The following DNAH6 variants were observed in gnomAD, a reference collection of about 807,000 sequenced individuals.
The protein encoded by DNAH6 is dynein axonemal heavy chain 6.
In DNAH6, 340 loss-of-function variants were observed where a neutral mutation model predicts 491.4. That is an observed-to-expected ratio of 0.69 (90% CI 0.63 to 0.76). The LOEUF is 0.76. Among genes scored for constraint, DNAH6 ranks in the 30% least tolerant of loss-of-function variants. The probability of loss-of-function intolerance (pLI) is 0.00; values close to 1 mark genes in which losing one functional copy is unlikely to be tolerated. For missense variants in DNAH6, 4,443 were observed against 4,972.2 expected (o/e 0.89, Z 3.20); for synonymous variants, 1,603 against 1,686.1 (o/e 0.95, Z 1.21).
In DNAH6 at chr2:84,819,299, A is replaced by C; in HGVS notation, c.12374-6A>C. 4 of 1,538,182 alleles carry C rather than the reference A, an allele frequency of 2.6e-6. No homozygotes were observed. Among genetic ancestry groups the C allele is most frequent in the Non-Finnish European group, 3.5e-6 (4 of 1,136,690 alleles). On this transcript the variant is annotated splice_polypyrimidine_tract_variant and splice_region_variant and intron_variant, in intron 76 of 76. Transcript: ENST00000389394. ...AACAACCTTTTTTTCCTATATCCTT[A>C]ATTAGGACATTCAACCAATTTTGTG...
chr2:84,708,594 A>AGAAG (rs1311429503), intron 54 of DNAH6, among the ~76,000 whole-genome samples: 43 of 150,358 alleles, frequency 2.9e-4, no homozygotes, highest in Non-Finnish European at 5.2e-4. Flanking sequence ...AAGGAAGGAA[A>AGAAG]GAAGGAAGGA....
rs1677020189 is a variant in DNAH6 at position 84,784,785 on chromosome 2, T to G, written c.10928T>G (p.Val3643Gly). Reference sequence around the variant, plus strand: ...TCCATGCCTAGTAATACATTTCCTGTTACAGTTCTTCAAAATTCTGTCAAG... The same window carrying G: ...TCCATGCCTAGTAATACATTTCCTGGTACAGTTCTTCAAAATTCTGTCAAG... The part of the protein sequence containing the change: ...LSSMPSNTFP[V>G]TVLQNSVKVT... Residue 3643 changes from valine (V) to glycine (G), a missense_variant, in exon 66 of 77, where the codon GTT (valine) becomes GGT (glycine). By Grantham distance (109) the Val-to-Gly change is moderately radical. This residue lies in a region of DNAH6 where 1,463 missense variants were observed against 1,656.6 expected (regional missense o/e 0.88). Coordinates refer to ENST00000389394, the MANE Select transcript of DNAH6 (RefSeq NM_001370.2). 3 of 1,549,878 alleles carry G rather than the reference T, an allele frequency of 1.9e-6. No individual in the cohort carries two copies. The highest frequency in any genetic ancestry group is 1.4e-5 in the African/African-American group (1 of 72,962).
chr2:84,611,606 T>C, intron 21 of DNAH6, 68 bp from the exon 22 acceptor site: 1 of 1,349,222 alleles, frequency 7.4e-7, no homozygotes, highest in Non-Finnish European at 1.0e-6. Context: ...TGTGTCATGA[T>C]TTTTACTGTA....
chr2:84,813,108 C>G lies in DNAH6; in HGVS notation c.11976C>G (p.Phe3992Leu), dbSNP rs1486214391. The G allele has an allele frequency of 1.9e-6, 3 of 1,551,858 alleles. No individual in the cohort carries two copies. Among genetic ancestry groups the G allele is most frequent in the African/African-American group, 1.4e-5 (1 of 73,172 alleles). The change falls in exon 74 of 77, where the codon TTC becomes TTG. Residue 3992 changes from phenylalanine (F) to leucine (L), a missense_variant. Coordinates refer to ENST00000389394, the MANE Select transcript of DNAH6 (RefSeq NM_001370.2). Reference sequence around the variant, plus strand: ...AGTCCTACTGGATCTCTGGTTTCTTCTTTCCTCAAGGATTTCTAACAGGTA... The same window carrying G: ...AGTCCTACTGGATCTCTGGTTTCTTGTTTCCTCAAGGATTTCTAACAGGTA... ...QPKSYWISGF[F>L]FPQGFLTGTL...
At chr2:84,499,159 C>T in the DNAH6 span, among the ~76,000 whole-genome samples, 2 of 152,050 alleles carry the variant, frequency 1.3e-5, no homozygotes, top group South Asian at 2.1e-4. Flanking sequence ...TTTTTTGGTA[C>T]CCATTAACCA....
intron 26 of DNAH6, among the ~76,000 whole-genome samples, chr2:84,623,174 A>T (rs10190434): frequency 0.96 from 145,604 of 152,278 alleles, 69,661 homozygotes; most frequent in East Asian, 1. Context: ...AGCTTTGACA[A>T]TGGCGTTGGC....
At chr2:84,741,027 C>T (rs1264701313) in intron 62 of DNAH6, among the ~76,000 whole-genome samples, 1 of 152,222 alleles carries the variant, frequency 6.6e-6, no homozygotes, top group Admixed American at 6.5e-5. Context: ...CAGCCATGGG[C>T]TTGCACCTAG....
At chr2:84,542,397 A>ATTCC (rs1364162546) in intron 4 of DNAH6, among the ~76,000 whole-genome samples, 3 of 152,192 alleles carry the variant, frequency 2.0e-5, no homozygotes, top group Non-Finnish European at 2.9e-5. Context: ...TGTATTCCAT[A>ATTCC]TTCCTCACCA....
intron 68 of DNAH6, among the ~76,000 whole-genome samples, chr2:84,794,820 A>G (rs1678163512): frequency 7.0e-6 from 1 of 142,522 alleles, no homozygotes; most frequent in Admixed American, 7.1e-5. Flanking sequence ...CAGCCATCCC[A>G]TTACTGGGTA....
chr2:84,748,546 T>TA (rs1188781965), intron 63 of DNAH6, among the ~76,000 whole-genome samples: 9 of 152,226 alleles, frequency 5.9e-5, no homozygotes, highest in African/African-American at 2.2e-4. Context: ...AAGTTCCTTA[T>TA]TTCCATCTGA....
intron 49 of DNAH6, among the ~76,000 whole-genome samples, chr2:84,702,146 G>A (rs563099269): frequency 6.6e-6 from 1 of 152,160 alleles, no homozygotes; most frequent in Non-Finnish European, 1.5e-5. Context: ...TAAGAGCAAG[G>A]ACTGGGGTAT....
upstream of DNAH6, among the ~76,000 whole-genome samples, chr2:84,511,525 T>G (rs1675329506): frequency 6.6e-6 from 1 of 152,076 alleles, no homozygotes; most frequent in African/African-American, 2.4e-5. Context: ...GCTTCCCGGG[T>G]GAGGCGATGC....
At chr2:84,778,247 T>C (rs1377568914) in intron 64 of DNAH6, 1 of 623,602 alleles carries the variant, frequency 1.6e-6, no homozygotes, top group Non-Finnish European at 3.0e-6. Context: ...CCAAAAGGAA[T>C]CAGGAATGCA....
intron 16 of DNAH6, among the ~76,000 whole-genome samples, chr2:84,590,292 G>A (rs184888532): frequency 3.3e-5 from 5 of 152,048 alleles, no homozygotes; most frequent in African/African-American, 9.6e-5. Context: ...TCAGGAGTTC[G>A]AGACCAGCCA....
At chr2:84,508,052 GC>G in the DNAH6 span, among the ~76,000 whole-genome samples, 1 of 152,180 alleles carries the variant, frequency 6.6e-6, no homozygotes, top group Non-Finnish European at 1.5e-5. Context: ...TCTCTGCCAG[GC>G]TTTGGTATCA....
At chr2:84,714,539 A>G (rs1697343636) in intron 57 of DNAH6, among the ~76,000 whole-genome samples, 1 of 152,138 alleles carries the variant, frequency 6.6e-6, no homozygotes, top group Non-Finnish European at 1.5e-5. Context: ...TTAGTATATA[A>G]TAGTGCAACA....
At chr2:84,750,731 C>G (rs1573695873) in intron 63 of DNAH6, 1 of 152,116 alleles carries the variant, frequency 6.6e-6, no homozygotes. Flanking sequence ...AATATTTTGA[C>G]TCTTAGTCAC....
At chr2:84,781,455 A>G (rs895530817) in intron 64 of DNAH6, 38 bp from the exon 65 acceptor site, 1 of 1,495,224 alleles carries the variant, frequency 6.7e-7, no homozygotes. Flanking sequence ...GCTTTAAAAT[A>G]GCATAAGATG....
chr2:84,699,644 C>T lies in DNAH6; in HGVS notation c.7728C>T (p.Leu2576=). The T allele has an allele frequency of 6.4e-7, 1 of 1,551,862 alleles. No individual in the cohort carries two copies. The highest frequency in any genetic ancestry group is 8.7e-7 in the Non-Finnish European group (1 of 1,146,988). Residue 2576 remains leucine, a synonymous_variant, in exon 48 of 77, where the codon CTC becomes CTT. Transcript: ENST00000389394. ...SKVRQKLHIV[L]CMSPVGEAFR... Reference sequence around the variant, plus strand: ...TGCGTCAGAAGCTGCACATTGTTCTCTGCATGAGCCCAGTTGGGGAGGCCT... The same window carrying T: ...TGCGTCAGAAGCTGCACATTGTTCTTTGCATGAGCCCAGTTGGGGAGGCCT...
Sources: gnomAD v4.1 joint callset for allele counts (sites outside exome capture counted in the v4.1 genomes callset) on GRCh38, gnomAD v4.1.1 for gene constraint, gnomAD v4.1.1 regional missense constraint, MANE v1.5 for transcripts, NCBI Gene and HGNC (gene_info 2026-07-23, HGNC 2026-07-21) for gene names.